Variants in APBB2 observed in about 807,000 individuals in gnomAD.
APBB2 encodes Fe65-like 1.
A neutral mutation model predicts 82.5 loss-of-function variants in APBB2; 38 were observed. The observed-to-expected ratio is 0.46, with a 90% confidence interval of 0.36 to 0.60. The LOEUF is 0.60. Among genes scored for constraint, APBB2 ranks in the 20% least tolerant of loss-of-function variants. The pLI is 0.00. For synonymous variants in APBB2, 341 were observed against 368.2 expected (o/e 0.93, Z 0.85); for missense variants, 772 against 972.3 (o/e 0.79, Z 2.74).
chr4:41,043,909 T>G (rs1480794981), intron 4 of APBB2, among the ~76,000 whole-genome samples: 4 of 152,210 alleles, frequency 2.6e-5, no homozygotes, highest in Non-Finnish European at 1.5e-5. Flanking sequence ...TGGTGGTGCA[T>G]GTTTAACTCG....
intron 4 of APBB2, 23 bp from the exon 5 acceptor site, chr4:41,033,327 G>A: frequency 2.1e-6 from 3 of 1,439,906 alleles, no homozygotes; most frequent in South Asian, 2.6e-5. Context: ...GATCATTTGA[G>A]AAATTAAAAC....
At chr4:40,971,146 T>C (rs537928780) in intron 6 of APBB2, among the ~76,000 whole-genome samples, 63 of 152,350 alleles carry the variant, frequency 4.1e-4, no homozygotes, top group South Asian at 2.1e-3. Flanking sequence ...AGTAGATTTC[T>C]ACCGACTGAT....
At chr4:41,134,685 G>T (rs192727975) in intron 2 of APBB2, among the ~76,000 whole-genome samples, 43 of 152,234 alleles carry the variant, frequency 2.8e-4, no homozygotes, top group African/African-American at 9.4e-4. Flanking sequence ...CTCTGTCAAA[G>T]AACTGTTGTG....
intron 4 of APBB2, among the ~76,000 whole-genome samples, chr4:41,064,529 A>G (rs567946372): frequency 6.6e-6 from 1 of 152,358 alleles, no homozygotes; most frequent in Admixed American, 6.5e-5. Context: ...AAATATCTAT[A>G]CAGCTGCTCC....
chr4:40,994,321 G>A (rs961603782), intron 6 of APBB2, among the ~76,000 whole-genome samples: 1 of 151,476 alleles, frequency 6.6e-6, no homozygotes, highest in East Asian at 1.9e-4. Context: ...GAGTTCTGAT[G>A]CAGACAGACT....
chr4:40,913,730 G>A (rs188404561), intron 10 of APBB2, among the ~76,000 whole-genome samples: 27 of 152,158 alleles, frequency 1.8e-4, no homozygotes, highest in Admixed American at 1.6e-3. Context: ...TCCTTTTTGC[G>A]ATCCATTTAG....
intron 3 of APBB2, among the ~76,000 whole-genome samples, chr4:41,068,797 T>C (rs1732834537): frequency 7.1e-6 from 1 of 140,234 alleles, no homozygotes; most frequent in Non-Finnish European, 1.6e-5. Context: ...TCTTTTTTTT[T>C]TTTTTTTTTT....
At chr4:40,941,261 G>T (rs1301833725) in intron 7 of APBB2, among the ~76,000 whole-genome samples, 1 of 151,728 alleles carries the variant, frequency 6.6e-6, no homozygotes, top group African/African-American at 2.4e-5. Flanking sequence ...CTTTGAAATT[G>T]GTTGAAATAG....
At chr4:40,955,789 T>C (rs192921364) in intron 6 of APBB2, among the ~76,000 whole-genome samples, 6 of 152,150 alleles carry the variant, frequency 3.9e-5, no homozygotes, top group Non-Finnish European at 7.4e-5. Flanking sequence ...TTTTTTTTTT[T>C]CTTTGAGATG....
intron 6 of APBB2, among the ~76,000 whole-genome samples, chr4:41,012,541 T>C (rs760678192): frequency 6.6e-6 from 1 of 152,206 alleles, no homozygotes; most frequent in African/African-American, 2.4e-5. Context: ...GTACTGGGAT[T>C]TTTAAAGGGC....
chr4:40,867,150 T>C (rs1764234958), intron 12 of APBB2, among the ~76,000 whole-genome samples: 1 of 152,216 alleles, frequency 6.6e-6, no homozygotes, highest in African/African-American at 2.4e-5. Context: ...TGCACATTCA[T>C]TTATATCGTG....
intron 12 of APBB2, among the ~76,000 whole-genome samples, chr4:40,848,017 GT>G (rs1758194118): frequency 6.6e-6 from 1 of 152,038 alleles, no homozygotes; most frequent in Admixed American, 6.5e-5. Context: ...TGTTGCAAAG[GT>G]TGGTCTCAAA....
intron 6 of APBB2, among the ~76,000 whole-genome samples, chr4:40,953,506 C>G (rs1281476261): frequency 2.6e-5 from 4 of 151,942 alleles, no homozygotes; most frequent in Non-Finnish European, 5.9e-5. Flanking sequence ...GAGCCCCAAT[C>G]CACCCCGACA....
Position 40,829,117 on chromosome 4 carries a change from G to GT in APBB2, c.1644+1345dup, listed in dbSNP as rs1274682966. Among the ~76,000 whole-genome samples, 4 of 152,350 alleles carry GT rather than the reference G, an allele frequency of 2.6e-5. No homozygotes were observed. The South Asian group carries it at 6.2e-4, about 24-fold the overall frequency. On this transcript the variant is annotated intron_variant, in intron 13 of 17. Transcript: ENST00000508593. Reference sequence around the variant, plus strand: ...GGAAAGGGCTGGCTAAAAGAAGCTTGTGCCAGTGTGTTGGGGGTTCAGCTG... The same window carrying GT: ...GGAAAGGGCTGGCTAAAAGAAGCTTGTTGCCAGTGTGTTGGGGGTTCAGCTG...
chr4:40,861,220 C>T (rs1232450855), intron 12 of APBB2, among the ~76,000 whole-genome samples: 1 of 152,016 alleles, frequency 6.6e-6, no homozygotes, highest in African/African-American at 2.4e-5. Flanking sequence ...CGTGGTGGCA[C>T]GTGCCTGTAA....
At chr4:40,853,060 G>T (rs74458200) in intron 12 of APBB2, among the ~76,000 whole-genome samples, 4,115 of 152,108 alleles carry the variant, frequency 0.027, 192 homozygotes, top group African/African-American at 0.095. Context: ...CATAAACAAC[G>T]CATCAAAGAA....
At chr4:41,064,347 T>C (rs969195177) in intron 4 of APBB2, among the ~76,000 whole-genome samples, 3 of 152,098 alleles carry the variant, frequency 2.0e-5, no homozygotes, top group Non-Finnish European at 2.9e-5. Context: ...ATAACTTTCC[T>C]ATAAAGAAAA....
At chr4:41,144,523 G>A (rs1760153873) in intron 1 of APBB2, among the ~76,000 whole-genome samples, 1 of 152,178 alleles carries the variant, frequency 6.6e-6, no homozygotes, top group Non-Finnish European at 1.5e-5. Flanking sequence ...GTTTAAGACT[G>A]CAGGAATACA....
intron 12 of APBB2, chr4:40,880,729 G>T: frequency 1.0e-6 from 1 of 985,368 alleles, no homozygotes; most frequent in East Asian, 1.1e-4. Context: ...AGGACTCAGG[G>T]GAAGTGCGAG....
Sources: gnomAD v4.1 joint callset for allele counts (sites outside exome capture counted in the v4.1 genomes callset) on GRCh38, gnomAD v4.1.1 for gene constraint, MANE v1.5 for transcripts, NCBI Gene and HGNC (gene_info 2026-07-23, HGNC 2026-07-21) for gene names.